Variants in FGF14 observed in about 807,000 individuals in gnomAD.
FGF14 encodes the protein fibroblast growth factor homologous factor 4.
FGF14 carries 5 observed loss-of-function variants against 25.5 expected under a neutral mutation model. The ratio of observed to expected loss-of-function variants is 0.20; its 90% confidence interval spans 0.10 to 0.41. The LOEUF is 0.41. FGF14 is among the 10% of genes least tolerant of loss of function. The pLI, the probability that FGF14 is intolerant of heterozygous loss-of-function variation, is 1.00. For missense variants in FGF14, 222 were observed against 320.1 expected, an observed-to-expected ratio of 0.69 and a Z score of 2.34; for synonymous variants, 138 against 118.3, an observed-to-expected ratio of 1.17 and a Z score of -1.08.
intron 1 of FGF14, among the ~76,000 whole-genome samples, chr13:101,968,322 T>C (rs941114972): frequency 6.6e-6 from 1 of 152,092 alleles, no homozygotes; most frequent in Non-Finnish European, 1.5e-5. Context: ...AGTAACAAAA[T>C]ATTTTACCTG....
intron 1 of FGF14, among the ~76,000 whole-genome samples, chr13:102,105,055 T>C (rs1431802479): frequency 6.6e-6 from 1 of 152,246 alleles, no homozygotes; most frequent in Non-Finnish European, 1.5e-5. Flanking sequence ...ATCAATTTTC[T>C]AATGTAAGGA....
chr13:101,841,249 C>G (rs1213869516), intron 3 of FGF14, among the ~76,000 whole-genome samples: 1 of 151,864 alleles, frequency 6.6e-6, no homozygotes, highest in African/African-American at 2.4e-5. Context: ...ATGTTATCCA[C>G]CCCGAATACA....
chr13:101,877,790 C>T (rs1331453330), intron 1 of FGF14, among the ~76,000 whole-genome samples: 1 of 152,070 alleles, frequency 6.6e-6, no homozygotes, highest in Non-Finnish European at 1.5e-5. Flanking sequence ...CTTCTCAGAT[C>T]CATCTCACTT....
chr13:101,730,667 A>G (rs1486079656), intron 3 of FGF14, among the ~76,000 whole-genome samples: 2 of 152,212 alleles, frequency 1.3e-5, no homozygotes, highest in African/African-American at 2.4e-5. Context: ...AAAATGTCCA[A>G]TAGGTAGAAC....
chr13:101,761,842 T>C (rs2038049703), intron 3 of FGF14, among the ~76,000 whole-genome samples: 1 of 152,214 alleles, frequency 6.6e-6, no homozygotes, highest in African/African-American at 2.4e-5. Flanking sequence ...TTCTCTGCCA[T>C]TATTCAGTTC....
chr13:101,723,813 C>T (rs2035168518), intron 4 of FGF14, among the ~76,000 whole-genome samples: 1 of 148,702 alleles, frequency 6.7e-6, no homozygotes. Context: ...ATAAGAGTGA[C>T]TGATGGTTGG....
intron 1 of FGF14, among the ~76,000 whole-genome samples, chr13:102,095,124 G>A (rs2044331445): frequency 6.6e-6 from 1 of 152,162 alleles, no homozygotes; most frequent in African/African-American, 2.4e-5. Flanking sequence ...CCTGCCGGAG[G>A]AAACTGTGTC....
chr13:101,934,294 A>G (rs2034958899), intron 1 of FGF14, among the ~76,000 whole-genome samples: 1 of 152,200 alleles, frequency 6.6e-6, no homozygotes, highest in Admixed American at 6.5e-5. Context: ...GAAAGCCCAA[A>G]TCACTGGTAT....
At chr13:102,154,320 G>T (rs9554846) in intron 1 of FGF14, among the ~76,000 whole-genome samples, 2 of 150,854 alleles carry the variant, frequency 1.3e-5, no homozygotes, top group Admixed American at 1.3e-4. Flanking sequence ...CGGATCTCTC[G>T]GCAGAAACCC....
chr13:101,756,827 A>T (rs1012956242), intron 3 of FGF14, among the ~76,000 whole-genome samples: 8 of 152,202 alleles, frequency 5.3e-5, no homozygotes, highest in African/African-American at 1.9e-4. Context: ...ATTTTCATAC[A>T]ATTGGCACTA....
intron 1 of FGF14, among the ~76,000 whole-genome samples, chr13:102,266,776 C>T (rs1003219995): frequency 6.6e-6 from 1 of 151,978 alleles, no homozygotes; most frequent in Non-Finnish European, 1.5e-5. Context: ...ATGAAAACTA[C>T]ACTTGAGAAA....
intron 1 of FGF14, among the ~76,000 whole-genome samples, chr13:102,176,436 G>A (rs999556536): frequency 6.6e-6 from 1 of 152,064 alleles, no homozygotes; most frequent in Non-Finnish European, 1.5e-5. Context: ...GAGTAGAAGA[G>A]GGTTGTAGGG....
intron 1 of FGF14, among the ~76,000 whole-genome samples, chr13:101,984,615 C>T (rs1311320439): frequency 1.3e-5 from 2 of 151,916 alleles, no homozygotes; most frequent in African/African-American, 4.8e-5. Context: ...CATTTTTAAC[C>T]AGCATTATTT....
At chr13:102,270,672 T>C (rs551391301) in intron 1 of FGF14, among the ~76,000 whole-genome samples, 1 of 152,316 alleles carries the variant, frequency 6.6e-6, no homozygotes, top group East Asian at 1.9e-4. Context: ...TAGACATATA[T>C]ATTGTACATT....
chr13:101,850,630 T>G (rs973984325), intron 3 of FGF14, among the ~76,000 whole-genome samples: 5 of 140,756 alleles, frequency 3.6e-5, no homozygotes, highest in African/African-American at 1.3e-4. Context: ...TCTATATATA[T>G]AGAAATGGAT....
intron 1 of FGF14, among the ~76,000 whole-genome samples, chr13:101,884,555 C>T (rs1341030660): frequency 6.6e-6 from 1 of 151,910 alleles, no homozygotes; most frequent in Non-Finnish European, 1.5e-5. Context: ...ATAGTAGGTG[C>T]TCAATAAATA....
intron 3 of FGF14, among the ~76,000 whole-genome samples, chr13:101,735,226 G>A (rs751903895): frequency 8.5e-5 from 13 of 152,122 alleles, no homozygotes; most frequent in Non-Finnish European, 1.9e-4. Flanking sequence ...ATATGCATAC[G>A]CTTATTGTTT....
chr13:102,380,625 T>C (rs1159466933), intron 1 of FGF14, among the ~76,000 whole-genome samples: 1 of 152,150 alleles, frequency 6.6e-6, no homozygotes, highest in Non-Finnish European at 1.5e-5. Flanking sequence ...CAACTTTAGA[T>C]TACATTCAAA....
At chr13:101,818,042 A>G (rs1235044988) in intron 3 of FGF14, among the ~76,000 whole-genome samples, 1 of 152,180 alleles carries the variant, frequency 6.6e-6, no homozygotes, top group Non-Finnish European at 1.5e-5. Flanking sequence ...ATACATCTGA[A>G]ACTGTATGCA....
Sources: gnomAD v4.1 joint callset for allele counts (sites outside exome capture counted in the v4.1 genomes callset) on GRCh38, gnomAD v4.1.1 for gene constraint, MANE v1.5 for transcripts, NCBI Gene and HGNC (gene_info 2026-07-23, HGNC 2026-07-21) for gene names.